Variants in CYRIB observed in about 807,000 individuals in gnomAD.
The protein encoded by CYRIB is CYFIP-related Rac1 interactor B.
In CYRIB, 8 loss-of-function variants were observed where a neutral mutation model predicts 44.2. That is an observed-to-expected ratio of 0.18 (90% CI 0.11 to 0.33). The LOEUF is 0.33. CYRIB is among the 10% of genes least tolerant of loss of function. CYRIB has a pLI of 1.00. For missense variants in CYRIB, 185 were observed against 382.8 expected (o/e 0.48, Z 4.31); for synonymous variants, 131 against 127.2 (o/e 1.03, Z -0.20).
At chr8:129,888,417 AAC>A (rs568634880) in intron 2 of CYRIB, among the ~76,000 whole-genome samples, 143 of 152,256 alleles carry the variant, frequency 9.4e-4, no homozygotes, top group African/African-American at 3.2e-3. Context: ...AACAGACTAA[AAC>A]AGAGGTCCCA....
chr8:129,946,848 T>C (rs2094175565), intron 2 of CYRIB, among the ~76,000 whole-genome samples: 1 of 152,208 alleles, frequency 6.6e-6, no homozygotes, highest in Non-Finnish European at 1.5e-5. Context: ...TCACATTGGC[T>C]GTTCCCTTCT....
chr8:129,907,674 A>G (rs2076129651), intron 1 of CYRIB, among the ~76,000 whole-genome samples: 1 of 152,238 alleles, frequency 6.6e-6, no homozygotes. Flanking sequence ...CATTCTGTCA[A>G]CCATGTTTAC....
intron 2 of CYRIB, among the ~76,000 whole-genome samples, chr8:129,953,324 C>A (rs1456733188): frequency 1.3e-5 from 2 of 152,102 alleles, no homozygotes; most frequent in African/African-American, 4.8e-5. Context: ...ATAACAGGGA[C>A]CCTAGTGCTG....
chr8:129,842,031 G>A, exon 12 of CYRIB: 1 of 745,504 alleles, frequency 1.3e-6, no homozygotes, highest in Non-Finnish European at 2.2e-6. Flanking sequence ...ACAGAGGAAA[G>A]AAATAAAAGC....
At chr8:129,927,116 C>T (rs1035116806) in intron 1 of CYRIB, among the ~76,000 whole-genome samples, 6 of 151,904 alleles carry the variant, frequency 3.9e-5, no homozygotes, top group Non-Finnish European at 7.4e-5. Flanking sequence ...AACCCTGTCT[C>T]TACTAAAAAT....
At chr8:129,993,500 C>T (rs541168946) in intron 1 of CYRIB, among the ~76,000 whole-genome samples, 5 of 152,078 alleles carry the variant, frequency 3.3e-5, no homozygotes, top group South Asian at 4.2e-4. Context: ...AGTTCAAGAC[C>T]GGACTGGACA....
upstream of CYRIB, among the ~76,000 whole-genome samples, chr8:129,943,552 A>G (rs1220373979): frequency 2.7e-5 from 4 of 149,000 alleles, no homozygotes; most frequent in East Asian, 2.0e-4. Context: ...CCAAGATTGC[A>G]CCACTGCACT....
intron 1 of CYRIB, among the ~76,000 whole-genome samples, chr8:129,987,250 A>T (rs1003081814): frequency 2.6e-5 from 4 of 152,234 alleles, no homozygotes; most frequent in Non-Finnish European, 5.9e-5. Context: ...CTAACCAGGT[A>T]GTGACTTGAC....
intron 2 of CYRIB, among the ~76,000 whole-genome samples, chr8:129,882,814 C>A (rs758457870): frequency 6.6e-6 from 1 of 152,122 alleles, no homozygotes; most frequent in Non-Finnish European, 1.5e-5. Flanking sequence ...AGTATGACCA[C>A]TACCATCAGA....
intron 1 of CYRIB, among the ~76,000 whole-genome samples, chr8:129,982,125 C>T (rs772205981): frequency 6.6e-6 from 1 of 152,206 alleles, no homozygotes; most frequent in Non-Finnish European, 1.5e-5. Flanking sequence ...AACCCCTCAA[C>T]CAAGATGGCT....
intron 2 of CYRIB, among the ~76,000 whole-genome samples, chr8:129,883,170 T>C (rs2061445798): frequency 6.7e-6 from 1 of 150,112 alleles, no homozygotes; most frequent in African/African-American, 2.5e-5. Context: ...TAACACAGTG[T>C]TTCTCAGTCT....
intron 1 of CYRIB, among the ~76,000 whole-genome samples, chr8:129,979,248 A>G (rs1197773659): frequency 6.6e-6 from 1 of 152,192 alleles, no homozygotes; most frequent in Non-Finnish European, 1.5e-5. Flanking sequence ...GTGCATGTTT[A>G]CCACCAAGAT....
At chr8:129,856,636 A>G (rs540490492) in intron 5 of CYRIB, among the ~76,000 whole-genome samples, 12 of 152,304 alleles carry the variant, frequency 7.9e-5, no homozygotes, top group African/African-American at 2.9e-4. Flanking sequence ...ACTTTATGTC[A>G]GGTCATCAGC....
chr8:129,988,117 G>C (rs531776884), intron 1 of CYRIB, among the ~76,000 whole-genome samples: 1 of 152,304 alleles, frequency 6.6e-6, no homozygotes, highest in Admixed American at 6.5e-5. Flanking sequence ...TCAGCCCCAA[G>C]TGAGGACGGA....
intron 2 of CYRIB, among the ~76,000 whole-genome samples, chr8:129,894,261 T>C (rs1341656774): frequency 6.6e-6 from 1 of 152,234 alleles, no homozygotes; most frequent in Non-Finnish European, 1.5e-5. Flanking sequence ...CTTCCATCAA[T>C]TCTGTTCCAC....
chr8:129,920,489 C>A (rs1412674025), intron 1 of CYRIB, among the ~76,000 whole-genome samples: 2 of 152,056 alleles, frequency 1.3e-5, no homozygotes, highest in Non-Finnish European at 2.9e-5. Flanking sequence ...TTGGCTATTT[C>A]TTTATTTCCT....
upstream of CYRIB, chr8:130,016,907 G>C (rs1056082714): frequency 6.6e-6 from 1 of 152,218 alleles, no homozygotes; most frequent in Admixed American, 6.5e-5. Context: ...TCCGAGAGGC[G>C]CAAGAGTGAC....
intron 2 of CYRIB, among the ~76,000 whole-genome samples, chr8:129,901,171 A>G (rs2071575433): frequency 6.6e-6 from 1 of 152,076 alleles, no homozygotes; most frequent in African/African-American, 2.4e-5. Context: ...GGACCAGCAA[A>G]TAGAAGCTTC....
intron 1 of CYRIB, among the ~76,000 whole-genome samples, chr8:129,980,379 T>G (rs562885796): frequency 6.6e-6 from 1 of 152,350 alleles, no homozygotes; most frequent in Non-Finnish European, 1.5e-5. Flanking sequence ...TTGATAAATG[T>G]TCAAAAGAAG....
Sources: gnomAD v4.1 joint callset for allele counts (sites outside exome capture counted in the v4.1 genomes callset) on GRCh38, gnomAD v4.1.1 for gene constraint, MANE v1.5 for transcripts, NCBI Gene and HGNC (gene_info 2026-07-23, HGNC 2026-07-21) for gene names.